GPC6: variants seen among roughly 807,000 people sequenced by gnomAD.
The protein encoded by GPC6 is glypican 6.
A neutral mutation model predicts 55.2 loss-of-function variants in GPC6; 14 were observed. That is an observed-to-expected ratio of 0.25 (90% CI 0.17 to 0.40). The LOEUF (loss-of-function observed/expected upper bound fraction) is 0.40, where lower values mean the gene tolerates loss of function less well. Among genes scored for constraint, GPC6 ranks in the 10% least tolerant of loss-of-function variants. The probability of loss-of-function intolerance (pLI) is 1.00; values close to 1 mark genes in which losing one functional copy is unlikely to be tolerated. For synonymous variants in GPC6, 278 were observed against 259.6 expected (o/e 1.07, Z -0.68); for missense variants, 641 against 708.5 (o/e 0.90, Z 1.08).
intron 4 of GPC6, among the ~76,000 whole-genome samples, chr13:94,144,570 T>C (rs1444545614): frequency 6.7e-6 from 1 of 149,404 alleles, no homozygotes; most frequent in Non-Finnish European, 1.5e-5. Flanking sequence ...TGTGTGTGTG[T>C]GTGTATAAGA....
intron 4 of GPC6, among the ~76,000 whole-genome samples, chr13:94,041,295 A>G (rs940488645): frequency 6.6e-6 from 1 of 151,840 alleles, no homozygotes; most frequent in African/African-American, 2.4e-5. Context: ...CTTGAGAGCT[A>G]TGATGGCAGT....
chr13:94,312,007 A>G (rs1206689021), intron 6 of GPC6, among the ~76,000 whole-genome samples: 1 of 152,216 alleles, frequency 6.6e-6, no homozygotes, highest in Non-Finnish European at 1.5e-5. Context: ...CAGCTGGTCC[A>G]GTTCAGTTTC....
intron 1 of GPC6, among the ~76,000 whole-genome samples, chr13:93,368,059 T>G (rs2139187282): frequency 6.6e-6 from 1 of 152,272 alleles, no homozygotes; most frequent in East Asian, 1.9e-4. Flanking sequence ...TTGAATTGTT[T>G]ATTTTCCCAT....
At chr13:93,465,729 C>CAAG (rs1878880487) in intron 1 of GPC6, among the ~76,000 whole-genome samples, 1 of 152,190 alleles carries the variant, frequency 6.6e-6, no homozygotes, top group African/African-American at 2.4e-5. Context: ...TAATTTTCTT[C>CAAG]AAGAACTCTC....
intron 2 of GPC6, among the ~76,000 whole-genome samples, chr13:93,766,077 G>A (rs529614341): frequency 5.3e-5 from 8 of 152,256 alleles, no homozygotes; most frequent in Non-Finnish European, 1.2e-4. Flanking sequence ...GGTGGTGTTT[G>A]CAGTCATGTG....
At chr13:94,397,275 G>A (rs189743675) in intron 7 of GPC6, among the ~76,000 whole-genome samples, 1 of 152,064 alleles carries the variant, frequency 6.6e-6, no homozygotes, top group Admixed American at 6.6e-5. Context: ...AAGAGGAAGA[G>A]GACTGGAAGA....
At chr13:93,589,579 A>G (rs939543198) in intron 2 of GPC6, among the ~76,000 whole-genome samples, 3 of 152,148 alleles carry the variant, frequency 2.0e-5, no homozygotes, top group African/African-American at 7.2e-5. Flanking sequence ...TATCTTGTCA[A>G]AGGGGACTGA....
At chr13:93,404,394 G>T (rs904055166) in intron 1 of GPC6, among the ~76,000 whole-genome samples, 2 of 152,166 alleles carry the variant, frequency 1.3e-5, no homozygotes, top group Non-Finnish European at 2.9e-5. Context: ...ACTCATGGCA[G>T]TGGTTGCCAT....
At position 93,572,313 on chromosome 13, in the gene GPC6, A is replaced by G. The variant is rs746571327; in HGVS notation, c.319+26892A>G. Among the ~76,000 whole-genome samples the G allele has an allele frequency of 1.4e-4, 21 of 152,180 alleles. No homozygotes were observed. The South Asian group carries it at 1.4e-3, about 10-fold the overall frequency. ...TTAATTCATGATTCAGAACCATCAT[A>G]TATGTACCCTTTCACATCAGAAATG... On this transcript the variant is annotated intron_variant, in intron 2 of 8. Coordinates refer to ENST00000377047, the MANE Select transcript of GPC6 (RefSeq NM_005708.5).
At chr13:93,461,852 C>G (rs1878705013) in intron 1 of GPC6, among the ~76,000 whole-genome samples, 1 of 152,202 alleles carries the variant, frequency 6.6e-6, no homozygotes, top group Non-Finnish European at 1.5e-5. Flanking sequence ...GCATTTCCCT[C>G]TTTACGTTAT....
intron 2 of GPC6, among the ~76,000 whole-genome samples, chr13:93,743,363 T>A (rs1884273926): frequency 6.6e-6 from 1 of 152,108 alleles, no homozygotes; most frequent in South Asian, 2.1e-4. Flanking sequence ...ATAAAAAAAT[T>A]AAAAAACGAT....
At chr13:93,270,136 G>A (rs1028535133) in intron 1 of GPC6, among the ~76,000 whole-genome samples, 1 of 151,422 alleles carries the variant, frequency 6.6e-6, no homozygotes, top group African/African-American at 2.4e-5. Context: ...TGGAGTCACA[G>A]CTACTTGGGA....
At chr13:94,283,216 G>T (rs139811747) in intron 4 of GPC6, among the ~76,000 whole-genome samples, 1 of 152,144 alleles carries the variant, frequency 6.6e-6, no homozygotes, top group Non-Finnish European at 1.5e-5. Context: ...TAAAAGCTAA[G>T]CTTTGTTATG....
intron 4 of GPC6, among the ~76,000 whole-genome samples, chr13:94,284,213 C>T (rs1892467034): frequency 2.0e-5 from 3 of 152,102 alleles, no homozygotes; most frequent in African/African-American, 4.8e-5. Context: ...GAAGAGCCAC[C>T]ATTCACTATG....
At chr13:93,576,110 C>T (rs760198783) in intron 2 of GPC6, among the ~76,000 whole-genome samples, 6 of 152,000 alleles carry the variant, frequency 3.9e-5, no homozygotes, top group Non-Finnish European at 5.9e-5. Flanking sequence ...ACTGAAAGAA[C>T]AACATGAATG....
At position 94,366,430 on chromosome 13, in the gene GPC6, A is replaced by G. The variant is rs148301389; in HGVS notation, c.1153-15984A>G. ...AATATGGGGGAAATTTGCCTTTCAA[A>G]CCACAAAGAACTTCCAAAAGGTTTC... On this transcript the variant is annotated intron_variant, in intron 6 of 8. Coordinates refer to ENST00000377047, the MANE Select transcript of GPC6 (RefSeq NM_005708.5). Among the ~76,000 whole-genome samples, 183 of 152,292 alleles carry G rather than the reference A, an allele frequency of 1.2e-3. 1 individual carries two copies. Among genetic ancestry groups the G allele is most frequent in the African/African-American group, 4.2e-3 (176 of 41,564 alleles).
At chr13:93,795,904 AT>A (rs1389830293) in intron 2 of GPC6, among the ~76,000 whole-genome samples, 1 of 152,024 alleles carries the variant, frequency 6.6e-6, no homozygotes, top group East Asian at 1.9e-4. Flanking sequence ...CAGAAAATTG[AT>A]TTTGATTTTT....
chr13:93,263,762 A>G (rs1187117882), intron 1 of GPC6, among the ~76,000 whole-genome samples: 2 of 152,084 alleles, frequency 1.3e-5, no homozygotes, highest in East Asian at 3.9e-4. Context: ...TTTATTACAA[A>G]CCACACTATA....
intron 1 of GPC6, among the ~76,000 whole-genome samples, chr13:93,307,879 T>A (rs1878912587): frequency 6.6e-6 from 1 of 152,208 alleles, no homozygotes; most frequent in African/African-American, 2.4e-5. Flanking sequence ...AAAGCATATG[T>A]TAATTAGCTA....
Sources: gnomAD v4.1 joint callset for allele counts (sites outside exome capture counted in the v4.1 genomes callset) on GRCh38, gnomAD v4.1.1 for gene constraint, MANE v1.5 for transcripts, NCBI Gene and HGNC (gene_info 2026-07-23, HGNC 2026-07-21) for gene names.